ERFL: variants seen among roughly 807,000 people sequenced by gnomAD.
ERFL encodes the protein ETS repressor factor like, also known as ETS domain-containing transcription factor ERF-like.
A neutral mutation model predicts 27.9 loss-of-function variants in ERFL; 8 were observed. That is an observed-to-expected ratio of 0.29 (90% CI 0.17 to 0.52). ERFL has a LOEUF of 0.52. ERFL is among the 20% of genes least tolerant of loss of function. The pLI, the probability that ERFL is intolerant of heterozygous loss-of-function variation, is 0.97. For synonymous variants in ERFL, 174 were observed against 202.8 expected, an observed-to-expected ratio of 0.86 and a Z score of 1.21; for missense variants, 294 against 444.4, an observed-to-expected ratio of 0.66 and a Z score of 3.04.
intron 1 of ERFL, among the ~76,000 whole-genome samples, chr19:41,914,078 T>TA (rs1267817443): frequency 1.2e-3 from 1 of 858 alleles, no homozygotes; most frequent in Admixed American, 0.011. Context: ...GAGCCCCGCC[T>TA]ACCCCTGGAC....
At position 41,916,405 on chromosome 19, in the gene ERFL, A is replaced by G. The variant is rs1231387855; in HGVS notation, c.-13-3473T>C. Among the ~76,000 whole-genome samples the G allele has an allele frequency of 3.9e-5, 6 of 152,148 alleles. No homozygotes were observed. The highest frequency in any genetic ancestry group is 1.4e-4 in the African/African-American group (6 of 41,426). On this transcript the variant is annotated intron_variant, in intron 1 of 5. Coordinates refer to ENST00000597630, the MANE Select transcript of ERFL (RefSeq NM_001365103.2). The surrounding 1 kb of genome is among the most constrained non-coding windows in gnomAD (Gnocchi z 5.4). ...CATGTGTCAGTAAAGTCACACACCA[A>G]CACTGTCACAGTCACACACACACAC... is the stretch of plus-strand genomic sequence containing the variant.
At chr19:41,915,282 G>A (rs999834582) in intron 1 of ERFL, among the ~76,000 whole-genome samples, 7 of 151,346 alleles carry the variant, frequency 4.6e-5, no homozygotes, top group South Asian at 2.1e-4. Context: ...TCCCCCCGCC[G>A]TGTCTCACAC....
chr19:41,924,615 A>G (rs1864207), intron 1 of ERFL, among the ~76,000 whole-genome samples: 104,449 of 152,032 alleles, frequency 0.69, 36,293 homozygotes, highest in East Asian at 0.82. Flanking sequence ...AGCACCTGCT[A>G]CTCAGAGAAT....
Position 41,907,987 on chromosome 19 carries a change from G to C in ERFL, c.*241C>G, listed in dbSNP as rs575955423. ...TTGCACTTTGGGAGTGGGGCCAGGC[G>C]GGGACCCCCCTCAAACTGGAGCCTG... On this transcript the variant is annotated 3_prime_UTR_variant, in exon 6 of 6. Transcript: ENST00000597630. 1 of 397,462 alleles carries C rather than the reference G, an allele frequency of 2.5e-6. No individual in the cohort carries two copies. The highest frequency in any genetic ancestry group is 4.4e-6 in the Non-Finnish European group (1 of 227,868). The allele number at this position is 397,462 out of a possible 1,614,324, so 24.6% of individuals were successfully genotyped here.
Position 41,927,525 on chromosome 19 carries a change from C to T in ERFL, c.-14+515G>A, listed in dbSNP as rs571456753. Among the ~76,000 whole-genome samples the T allele has an allele frequency of 3.3e-5, 5 of 152,244 alleles. No homozygotes were observed. The South Asian group carries it at 1.0e-3, about 32-fold the overall frequency. On this transcript the variant is annotated intron_variant, in intron 1 of 5. Transcript: ENST00000597630. Reference sequence around the variant, plus strand: ...ATATCCACACCCCCAGTCCTGACTCCCAGCCCCAGTCAGCTCCCAACCTCA... The same window carrying T: ...ATATCCACACCCCCAGTCCTGACTCTCAGCCCCAGTCAGCTCCCAACCTCA...
intron 1 of ERFL, among the ~76,000 whole-genome samples, chr19:41,914,570 TCTCCG>T (rs2074776711): frequency 3.7e-5 from 1 of 26,792 alleles, no homozygotes; most frequent in Non-Finnish European, 7.9e-5. Context: ...ACCATCTCTG[TCTCCG>T]TCTCTCCCTC....
At chr19:41,920,526 CAT>C (rs1184981905) in intron 1 of ERFL, among the ~76,000 whole-genome samples, 4 of 151,290 alleles carry the variant, frequency 2.6e-5, no homozygotes, top group African/African-American at 4.9e-5. Flanking sequence ...CGCTCACAGA[CAT>C]GATGCACTCA....
At chr19:41,914,569 GTCTCCGTCTCTCCCTCCCTTTCCACCA>G (rs781957013) in intron 1 of ERFL, among the ~76,000 whole-genome samples, 465 of 23,946 alleles carry the variant, frequency 0.019, 82 homozygotes, top group Admixed American at 0.065. Context: ...CACCATCTCT[GTCTCCGTCTCTCCCTCCCTTTCCACCA>G]TCTCTGTCTC....
At chr19:41,912,700 G>A (rs1431961657) in intron 2 of ERFL, among the ~76,000 whole-genome samples, 153 bp downstream of exon 2, 1 of 152,158 alleles carries the variant, frequency 6.6e-6, no homozygotes, top group Non-Finnish European at 1.5e-5. Flanking sequence ...AAGTTTCTCA[G>A]AAGGGGTTTG....
At chr19:41,920,711 GCGCA>G (rs1409481299) in intron 1 of ERFL, among the ~76,000 whole-genome samples, 2 of 152,356 alleles carry the variant, frequency 1.3e-5, no homozygotes, top group Admixed American at 6.5e-5. Flanking sequence ...ATGTGCACAT[GCGCA>G]CACACACACT....
At chr19:41,920,932 TCTCTGC>T (rs1260353527) in intron 1 of ERFL, among the ~76,000 whole-genome samples, 1 of 152,174 alleles carries the variant, frequency 6.6e-6, no homozygotes, top group Non-Finnish European at 1.5e-5. Flanking sequence ...TCTGTCTCTG[TCTCTGC>T]CTCCGGCCCT....
chr19:41,920,147 CACGCCCAGACATGAT>C, intron 1 of ERFL, among the ~76,000 whole-genome samples: 1 of 126,590 alleles, frequency 7.9e-6, no homozygotes, highest in African/African-American at 3.3e-5. Context: ...ACAGACATGA[CACGCCCAGACATGAT>C]GCACTCAGAC....
intron 1 of ERFL, among the ~76,000 whole-genome samples, chr19:41,913,147 C>T (rs2074764145): frequency 6.6e-6 from 1 of 151,982 alleles, no homozygotes; most frequent in Non-Finnish European, 1.5e-5. Context: ...TCCCTCCCAG[C>T]CTCTCCTCCC....
intron 1 of ERFL, among the ~76,000 whole-genome samples, chr19:41,918,691 C>T (rs1824698640): frequency 6.7e-6 from 1 of 148,898 alleles, no homozygotes; most frequent in African/African-American, 2.5e-5. Context: ...ACACACACCA[C>T]ATATCCGCCA....
At position 41,916,484 on chromosome 19, in the gene ERFL, C is replaced by A. The variant is rs2145896239; in HGVS notation, c.-13-3552G>T. Among the ~76,000 whole-genome samples the A allele has an allele frequency of 6.6e-6, 1 of 152,182 alleles. No homozygotes were observed. Among genetic ancestry groups the A allele is most frequent in the African/African-American group, 2.4e-5 (1 of 41,516 alleles). ...AGACACACAGTTTTACACAAATACA[C>A]ACATGACACATCAATTCAATCTCAC... On this transcript the variant is annotated intron_variant, in intron 1 of 5. Transcript: ENST00000597630. The surrounding 1 kb of genome is among the most constrained non-coding windows in gnomAD (Gnocchi z 5.4).
chr19:41,914,546 T>TCCCTCTCTTTCCACCATCTCTGTCTC (rs2074775480), intron 1 of ERFL, among the ~76,000 whole-genome samples: 3 of 118,384 alleles, frequency 2.5e-5, no homozygotes, highest in Admixed American at 1.7e-4. Context: ...CTATCCGTCT[T>TCCCTCTCTTTCCACCATCTCTGTCTC]TCCCTCCCCT....
Position 41,910,669 on chromosome 19 carries a change from C to A in ERFL, c.68-572G>T, listed in dbSNP as rs868916370. ...TGTACCTTTCCCGTCCCTGTGTCCC[C>A]TCCACCCCATATCCATGCCCATGTC... On this transcript the variant is annotated intron_variant, in intron 2 of 5. Transcript: ENST00000597630. This position sits in a 1 kb window ranked among gnomAD's most constrained non-coding sequence, Gnocchi z 4.4. Among the ~76,000 whole-genome samples, 4 of 152,290 alleles carry A rather than the reference C, an allele frequency of 2.6e-5. No homozygotes were observed. Among genetic ancestry groups the A allele is most frequent in the African/African-American group, 9.6e-5 (4 of 41,542 alleles).
intron 1 of ERFL, among the ~76,000 whole-genome samples, chr19:41,927,595 A>G (rs2074879149): frequency 1.3e-5 from 2 of 151,898 alleles, no homozygotes; most frequent in Non-Finnish European, 2.9e-5. Flanking sequence ...CTTGGCTTTG[A>G]GCCCCTAGGT....
chr19:41,909,012 A>G lies in ERFL; in HGVS notation c.616+48T>C, dbSNP rs2074736785. The G allele has an allele frequency of 1.1e-5, 12 of 1,108,976 alleles. No homozygotes were observed. Among genetic ancestry groups the G allele is most frequent in the Non-Finnish European group, 1.4e-5 (12 of 877,062 alleles). The allele number at this position is 1,108,976 out of a possible 1,614,324, so 68.7% of individuals were successfully genotyped here. A position where few individuals can be genotyped will look rare whatever the true frequency, so the allele number is the denominator to read the frequency against. On this transcript the variant is annotated intron_variant, in intron 5 of 5. Coordinates refer to ENST00000597630, the MANE Select transcript of ERFL (RefSeq NM_001365103.2). The surrounding 1 kb of genome is among the most constrained non-coding windows in gnomAD (Gnocchi z 5.2). ...TCTCATCCTCTTCCCTCAAGCCTGC[A>G]GCTTCTCCCACTGTGCCCCCAGCAC...
Sources: allele counts gnomAD v4.1 joint callset (sites outside exome capture counted in the v4.1 genomes callset), GRCh38; gene constraint gnomAD v4.1.1; non-coding constraint Gnocchi (gnomAD v3.1); transcripts MANE v1.5; gene names NCBI Gene and HGNC (gene_info 2026-07-23, HGNC 2026-07-21).